The following IL1RAP variants were observed in gnomAD, a reference collection of about 807,000 sequenced individuals.
IL1RAP encodes the protein interleukin-1 receptor accessory protein.
In IL1RAP, 35 loss-of-function variants were observed where a neutral mutation model predicts 60.7. That is an observed-to-expected ratio of 0.58 (90% CI 0.44 to 0.76). IL1RAP has a LOEUF of 0.76. IL1RAP is among the 30% of genes least tolerant of loss of function. The pLI is 0.00. For synonymous variants in IL1RAP, 268 were observed against 250.9 expected, an observed-to-expected ratio of 1.07 and a Z score of -0.64; for missense variants, 572 against 693.9, an observed-to-expected ratio of 0.82 and a Z score of 1.97.
At chr3:190,608,919 T>C in intron 4 of IL1RAP, 76 bp from the exon 5 acceptor site, 1 of 1,133,300 alleles carries the variant, frequency 8.8e-7, no homozygotes, top group Non-Finnish European at 1.3e-6. Flanking sequence ...CTGGCTTCAC[T>C]TAGTTCATTT....
intron 1 of IL1RAP, among the ~76,000 whole-genome samples, chr3:190,555,202 A>G (rs1725299107): frequency 2.0e-5 from 3 of 152,008 alleles, no homozygotes. Flanking sequence ...CACAGGTGAT[A>G]TGTCTGTTTT....
At chr3:190,655,904 T>G, downstream of IL1RAP, 1 of 1,537,032 alleles carries the variant, frequency 6.5e-7, no homozygotes, top group Non-Finnish European at 8.7e-7. Flanking sequence ...GTGGAAGCAG[T>G]TTTTGATTTC....
In IL1RAP at chr3:190,651,074, T is replaced by C; in HGVS notation, c.*2369T>C. On this transcript the variant is annotated 3_prime_UTR_variant, in exon 12 of 12. Coordinates refer to ENST00000447382, the MANE Select transcript of IL1RAP (RefSeq NM_002182.4). ...TTGCAAGAGAATTTGTTTCAAGATT[T>C]TTTTTTAATGTTCCAGAAGATGGCC... The C allele has an allele frequency of 1.0e-6, 1 of 985,190 alleles. No homozygotes were observed. Among genetic ancestry groups the C allele is most frequent in the Non-Finnish European group, 1.2e-6 (1 of 829,702 alleles). 61.0% of individuals were successfully genotyped at this position (985,190 alleles called of 1,614,324 possible).
intron 1 of IL1RAP, among the ~76,000 whole-genome samples, chr3:190,523,768 A>G (rs141174899): frequency 7.9e-5 from 12 of 152,218 alleles, no homozygotes; most frequent in East Asian, 1.9e-4. Context: ...CAGTGTACCA[A>G]TGACGGGCAT....
intron 1 of IL1RAP, among the ~76,000 whole-genome samples, chr3:190,534,212 T>G (rs2108544019): frequency 6.6e-6 from 1 of 151,990 alleles, no homozygotes; most frequent in South Asian, 2.1e-4. Flanking sequence ...GGACAGTATT[T>G]AAATAAGATG....
intron 3 of IL1RAP, among the ~76,000 whole-genome samples, chr3:190,600,725 A>C (rs1729783388): frequency 6.6e-6 from 1 of 152,218 alleles, no homozygotes; most frequent in South Asian, 2.1e-4. Flanking sequence ...GGAAATGTAC[A>C]ATCTTATACT....
At chr3:190,610,630 C>T (rs1730741665) in intron 5 of IL1RAP, among the ~76,000 whole-genome samples, 1 of 152,092 alleles carries the variant, frequency 6.6e-6, no homozygotes, top group South Asian at 2.1e-4. Context: ...AAAAGGATCA[C>T]TTTATCAGCG....
chr3:190,622,023 G>C (rs1393652172), intron 6 of IL1RAP, among the ~76,000 whole-genome samples: 1 of 148,516 alleles, frequency 6.7e-6, no homozygotes, highest in Non-Finnish European at 1.5e-5. Flanking sequence ...CTAATGTGCC[G>C]GCCTTAACAT....
intron 3 of IL1RAP, 82 bp from the exon 4 acceptor site, chr3:190,604,046 A>G: frequency 7.3e-7 from 1 of 1,366,422 alleles, no homozygotes; most frequent in Non-Finnish European, 1.0e-6. Flanking sequence ...GACCGGGTGA[A>G]CTGAGGAGAA....
At chr3:190,608,742 AACAC>A (rs1730571111) in intron 4 of IL1RAP, among the ~76,000 whole-genome samples, 1 of 152,158 alleles carries the variant, frequency 6.6e-6, no homozygotes, top group African/African-American at 2.4e-5. Flanking sequence ...TACACTGACA[AACAC>A]ACACAGGATC....
At chr3:190,590,257 CT>C (rs1403184229) in intron 3 of IL1RAP, among the ~76,000 whole-genome samples, 351 of 143,810 alleles carry the variant, frequency 2.4e-3, no homozygotes, top group Admixed American at 2.9e-3. Flanking sequence ...TCTTCTTCTT[CT>C]TTTTTTTTTT....
rs1396221051 is a variant in IL1RAP, at chr3:190,648,888, A to G, written c.*183A>G. ...TTCCTCAGGCAACACTAAAGTTTAGAAAGATATCATCAACGTTCTGTCACC... is the reference window on the plus strand; with the variant it reads ...TTCCTCAGGCAACACTAAAGTTTAGGAAGATATCATCAACGTTCTGTCACC... On this transcript the variant is annotated 3_prime_UTR_variant, in exon 12 of 12. Coordinates refer to ENST00000447382, the MANE Select transcript of IL1RAP (RefSeq NM_002182.4). 2 of 1,393,900 alleles carry G rather than the reference A, an allele frequency of 1.4e-6. No individual in the cohort carries two copies. The highest frequency in any genetic ancestry group is 1.9e-6 in the Non-Finnish European group (2 of 1,077,118). The allele number at this position is 1,393,900 out of a possible 1,614,324, so 86.3% of individuals were successfully genotyped here. A position where few individuals can be genotyped will look rare whatever the true frequency, so the allele number is the denominator to read the frequency against.
At chr3:190,578,470 A>G (rs376545526) in intron 3 of IL1RAP, among the ~76,000 whole-genome samples, 2 of 152,234 alleles carry the variant, frequency 1.3e-5, no homozygotes, top group Admixed American at 6.5e-5. Flanking sequence ...ATACTAAATT[A>G]GAAACTTTGT....
At position 190,560,089 on chromosome 3, in the gene IL1RAP, C is replaced by T. The variant is rs540871556; in HGVS notation, c.-2+3873C>T. ...TCTCATGTCTTACTAAATGCTATCC[C>T]TTTTGTGTAGAATGGAATAATTAGT... On this transcript the variant is annotated intron_variant, in intron 2 of 11. Coordinates refer to ENST00000447382, the MANE Select transcript of IL1RAP (RefSeq NM_002182.4). Among the ~76,000 whole-genome samples the T allele has an allele frequency of 9.2e-5, 14 of 152,306 alleles. No individual in the cohort carries two copies. In the East Asian group the frequency reaches 2.5e-3, roughly 27 times the overall value.
At chr3:190,627,560 AC>A in intron 8 of IL1RAP, 111 bp downstream of exon 8, 1 of 1,333,088 alleles carries the variant, frequency 7.5e-7, no homozygotes, top group Non-Finnish European at 9.9e-7. Context: ...CCTATCACTA[AC>A]AAAAATCGGC....
chr3:190,580,522 T>C (rs755398508), intron 3 of IL1RAP, among the ~76,000 whole-genome samples: 7 of 152,348 alleles, frequency 4.6e-5, no homozygotes, highest in Admixed American at 2.6e-4. Context: ...GAGGACATTA[T>C]GCTAAGTTAA....
chr3:190,566,151 T>C (rs1283863956), intron 3 of IL1RAP, among the ~76,000 whole-genome samples: 5 of 152,180 alleles, frequency 3.3e-5, no homozygotes, highest in Admixed American at 1.3e-4. Flanking sequence ...GTTCAGGAAC[T>C]TTTGTTTGTT....
chr3:190,646,532 A>C (rs1465580130), intron 11 of IL1RAP, among the ~76,000 whole-genome samples: 1 of 152,206 alleles, frequency 6.6e-6, no homozygotes, highest in Non-Finnish European at 1.5e-5. Context: ...AAATTCTTGA[A>C]TGTGTTAAAA....
At chr3:190,558,051 G>T (rs1407839709) in intron 2 of IL1RAP, among the ~76,000 whole-genome samples, 1 of 151,940 alleles carries the variant, frequency 6.6e-6, no homozygotes, top group Non-Finnish European at 1.5e-5. Flanking sequence ...TATTAAGGTT[G>T]GTTTATTTAA....
Sources: allele counts gnomAD v4.1 joint callset (sites outside exome capture counted in the v4.1 genomes callset), GRCh38; gene constraint gnomAD v4.1.1; transcripts MANE v1.5; gene names NCBI Gene and HGNC (gene_info 2026-07-23, HGNC 2026-07-21).